The following MEX3A variants were observed in gnomAD, a reference collection of about 807,000 sequenced individuals.
MEX3A encodes mex-3 RNA binding family member A, also known as RNA-binding protein MEX3A.
In MEX3A, 4 loss-of-function variants were observed where a neutral mutation model predicts 30.0. That is an observed-to-expected ratio of 0.13 (90% confidence interval 0.07 to 0.30). The LOEUF (loss-of-function observed/expected upper bound fraction) is 0.30. Ranked by LOEUF, MEX3A falls within the 10% of genes least tolerant of loss-of-function variation. The pLI is 1.00. For synonymous variants in MEX3A, 335 were observed against 327.6 expected (o/e 1.02, Z -0.24); for missense variants, 555 against 736.7 (o/e 0.75, Z 2.86).
Position 156,077,786 on chromosome 1 carries a change from G to C in MEX3A, c.455-104C>G, listed in dbSNP as rs940631237. On this transcript the variant is annotated intron_variant, in intron 1 of 1. Coordinates refer to ENST00000532414, the MANE Select transcript of MEX3A (RefSeq NM_001093725.2). The surrounding 1 kb of genome is among the most constrained non-coding windows in gnomAD (Gnocchi z 8.3). ...CTTACCCAAATACCTAGCCTCCCAG[G>C]AACACTTCAGTCTACCCTTTGAAAT... 2 of 1,434,458 alleles carry C rather than the reference G, an allele frequency of 1.4e-6. No homozygotes were observed. Among genetic ancestry groups the C allele is most frequent in the Middle Eastern group, 3.8e-4 (2 of 5,200 alleles). 88.9% of individuals were successfully genotyped at this position (1,434,458 alleles called of 1,614,324 possible).
rs1179474435 is a variant in MEX3A, at chr1:156,076,725, A to G, written c.1412T>C (p.Val471Ala). 1 of 1,612,866 alleles carries G rather than the reference A, an allele frequency of 6.2e-7. No individual in the cohort carries two copies. Among genetic ancestry groups the G allele is most frequent in the Non-Finnish European group, 8.5e-7 (1 of 1,179,450 alleles). ...RSPGGGRDCM[V>A]CFESEVTAAL... Reference sequence around the variant, plus strand: ...GGCAGTCACTTCGCTCTCAAAGCAGACCATGCAATCCCGCCCGCCGCCGGG... The same window carrying G: ...GGCAGTCACTTCGCTCTCAAAGCAGGCCATGCAATCCCGCCCGCCGCCGGG... Residue 471 changes from valine to alanine, a missense_variant, in exon 2 of 2, where the codon GTC (valine) becomes GCC (alanine). By Grantham distance (64) the Val-to-Ala change is moderately conservative. Coordinates refer to ENST00000532414, the MANE Select transcript of MEX3A (RefSeq NM_001093725.2). The surrounding 1 kb of genome is among the most constrained non-coding windows in gnomAD (Gnocchi z 6.0).
chr1:156,078,925 C>T (rs1648145519), intron 1 of MEX3A, among the ~76,000 whole-genome samples: 1 of 152,186 alleles, frequency 6.6e-6, no homozygotes, highest in Non-Finnish European at 1.5e-5. Context: ...CCCCATCCTC[C>T]CCAGCACACA....
At chr1:156,080,476 T>TTCCCCAC (rs1204602374) in intron 1 of MEX3A, among the ~76,000 whole-genome samples, 1 of 151,926 alleles carries the variant, frequency 6.6e-6, no homozygotes, top group East Asian at 1.9e-4. Flanking sequence ...TCCTCTATTG[T>TTCCCCAC]TCCCCACTGT....
Position 156,075,593 on chromosome 1 carries a change from G to T in MEX3A, c.*981C>A, listed in dbSNP as rs1648033473. The T allele has an allele frequency of 6.5e-6, 1 of 152,744 alleles. No homozygotes were observed. The highest frequency in any genetic ancestry group is 1.5e-5 in the Non-Finnish European group (1 of 68,060). 9.5% of individuals were successfully genotyped at this position (152,744 alleles called of 1,614,324 possible). A position where few individuals can be genotyped will look rare whatever the true frequency, so the allele number is the denominator to read the frequency against. ...TTTGAGATGTTTCTTTGGAGGAGTG[G>T]GGGAGAGGGCCTCCAGATGCCTGAA... is the stretch of plus-strand genomic sequence containing the variant. On this transcript the variant is annotated 3_prime_UTR_variant, in exon 2 of 2. Transcript: ENST00000532414.
chr1:156,081,414 G>A (rs2102779259), intron 1 of MEX3A, 131 bp downstream of exon 1: 1 of 754,276 alleles, frequency 1.3e-6, no homozygotes, highest in East Asian at 3.1e-5. Context: ...ATCAGGGTAG[G>A]GGGCGGGTCC....
intron 1 of MEX3A, among the ~76,000 whole-genome samples, chr1:156,078,412 G>C (rs762830731): frequency 6.6e-6 from 1 of 152,140 alleles, no homozygotes; most frequent in African/African-American, 2.4e-5. Flanking sequence ...TGAGGGAACA[G>C]TGCCCAACCC....
At chr1:156,079,938 C>A (rs974723464) in intron 1 of MEX3A, among the ~76,000 whole-genome samples, 2 of 152,062 alleles carry the variant, frequency 1.3e-5, no homozygotes, top group Non-Finnish European at 2.9e-5. Context: ...ACCCACTGGG[C>A]TTCACCTTCC....
At position 156,081,798 on chromosome 1, in the gene MEX3A, G is replaced by GC. The variant is rs773021630; in HGVS notation, c.200dup (p.Gly68ArgfsTer89). 2.2e-4 allele frequency: 243 copies of GC among 1,093,830 alleles called. No homozygotes were observed. The highest frequency in any genetic ancestry group is 7.3e-4 in the Middle Eastern group (2 of 2,732). 67.8% of individuals were successfully genotyped at this position (1,093,830 alleles called of 1,614,324 possible). A position where few individuals can be genotyped will look rare whatever the true frequency, so the allele number is the denominator to read the frequency against. ...GGGCGGCCGGCTGCGCGGGGGCGCCGCCCCCCCCACCTCCCCCGTCCTCGC... is the reference window on the plus strand; with the variant it reads ...GGGCGGCCGGCTGCGCGGGGGCGCCGCCCCCCCCCACCTCCCCCGTCCTCGC... On this transcript the variant is annotated frameshift_variant, in exon 1 of 2. Coordinates refer to ENST00000532414, the MANE Select transcript of MEX3A (RefSeq NM_001093725.2). LOFTEE classifies it high-confidence loss of function.
At position 156,076,809 on chromosome 1, in the gene MEX3A, C is replaced by T. The variant is rs551644853; in HGVS notation, c.1328G>A (p.Arg443His). 1.5e-5 allele frequency: 23 copies of T among 1,557,090 alleles called. No homozygotes were observed. In the South Asian group the frequency reaches 2.6e-4, roughly 17 times the overall value. ...GCCCTGGAGCGGCTCTCCCGGGGGG[C>T]GCCTCGGGAGTCCGGCCAGCTCGGG... Reference protein sequence around the residue: ...AGPELAGLPRRPPGEPLQGFS... With the variant: ...AGPELAGLPRHPPGEPLQGFS... Residue 443 changes from arginine (R) to histidine (H), a missense_variant, in exon 2 of 2, where the codon CGC becomes CAC. By Grantham distance (29) the Arg-to-His change is conservative. This residue lies in a region of MEX3A where 281 missense variants were observed against 265.1 expected (regional missense o/e 1.06). Coordinates refer to ENST00000532414, the MANE Select transcript of MEX3A (RefSeq NM_001093725.2). This position sits in a 1 kb window ranked among gnomAD's most constrained non-coding sequence, Gnocchi z 6.0.
In MEX3A at chr1:156,076,041, G is replaced by A. The variant is rs1314177283; in HGVS notation, c.*533C>T. 6.5e-6 allele frequency: 1 copy of A among 152,948 alleles called. No individual in the cohort carries two copies. Among genetic ancestry groups the A allele is most frequent in the Non-Finnish European group, 1.5e-5 (1 of 68,568 alleles). The allele number at this position is 152,948 out of a possible 1,614,324, so 9.5% of individuals were successfully genotyped here. On this transcript the variant is annotated 3_prime_UTR_variant, in exon 2 of 2. Transcript: ENST00000532414. This position sits in a 1 kb window ranked among gnomAD's most constrained non-coding sequence, Gnocchi z 6.0. ...AGGACTCCAACTCCCTTACACTGCT[G>A]GAAACTGGTGACAGTTTCCCAAACA...
In MEX3A at chr1:156,076,376, T is replaced by C; in HGVS notation, c.*198A>G. The C allele has an allele frequency of 1.9e-6, 1 of 527,102 alleles. No homozygotes were observed. The allele number at this position is 527,102 out of a possible 1,614,324, so 32.7% of individuals were successfully genotyped here. On this transcript the variant is annotated 3_prime_UTR_variant, in exon 2 of 2. Coordinates refer to ENST00000532414, the MANE Select transcript of MEX3A (RefSeq NM_001093725.2). This position sits in a 1 kb window ranked among gnomAD's most constrained non-coding sequence, Gnocchi z 6.0. ...AATTTTCAGTCTGGCCCCCTCCCAATCTTTCCAGGACAGGGTGACCAGAGG... is the reference window on the plus strand; with the variant it reads ...AATTTTCAGTCTGGCCCCCTCCCAACCTTTCCAGGACAGGGTGACCAGAGG...
intron 1 of MEX3A, among the ~76,000 whole-genome samples, chr1:156,080,472 A>G (rs1648187014): frequency 6.6e-6 from 1 of 151,466 alleles, no homozygotes; most frequent in Non-Finnish European, 1.5e-5. Context: ...CAGCTCCTCT[A>G]TTGTTCCCCA....
rs1424206913 is a variant in MEX3A at position 156,072,598 on chromosome 1, G to A, written c.*3976C>T. The A allele has an allele frequency of 6.5e-6, 1 of 152,746 alleles. No homozygotes were observed. Among genetic ancestry groups the A allele is most frequent in the African/African-American group, 2.4e-5 (1 of 41,442 alleles). 9.5% of individuals were successfully genotyped at this position (152,746 alleles called of 1,614,324 possible). A position where few individuals can be genotyped will look rare whatever the true frequency, so the allele number is the denominator to read the frequency against. On this transcript the variant is annotated 3_prime_UTR_variant, in exon 2 of 2. Coordinates refer to ENST00000532414, the MANE Select transcript of MEX3A (RefSeq NM_001093725.2). ...GATTGCAAGCTGGGGTTGGTAGAAG[G>A]CAAGTGCTTTAAAAATGTTGATTTC...
Position 156,077,195 on chromosome 1 carries a change from A to ATCGATTGCT in MEX3A, c.933_941dup (p.Ile313_Asp314insGluAlaIle). 1 of 1,613,588 alleles carries ATCGATTGCT rather than the reference A, an allele frequency of 6.2e-7. No homozygotes were observed. The highest frequency in any genetic ancestry group is 8.5e-7 in the Non-Finnish European group (1 of 1,179,838). Reference sequence around the variant, plus strand: ...CCCGCCAGGCGTCGGAGTAGCGGCTATCGATTGCTGCGTCGGGGCTCCCCG... The same window carrying ATCGATTGCT: ...CCCGCCAGGCGTCGGAGTAGCGGCTATCGATTGCTTCGATTGCTGCGTCGGGGCTCCCCG... On this transcript the variant is annotated inframe_insertion, in exon 2 of 2. Transcript: ENST00000532414. This position sits in a 1 kb window ranked among gnomAD's most constrained non-coding sequence, Gnocchi z 8.3.
At chr1:156,081,492 G>T in intron 1 of MEX3A, 53 bp downstream of exon 1, 1 of 1,477,072 alleles carries the variant, frequency 6.8e-7, no homozygotes, top group Non-Finnish European at 9.3e-7. Context: ...CCGCGCTAGG[G>T]ACGAGGGTGC....
At chr1:156,080,829 G>T (rs1359597785) in intron 1 of MEX3A, among the ~76,000 whole-genome samples, 1 of 146,506 alleles carries the variant, frequency 6.8e-6, no homozygotes, top group Non-Finnish European at 1.5e-5. Context: ...CCCTCTCTAG[G>T]CCTCTGGCCC....
rs1012748128 is a variant in MEX3A, at chr1:156,073,811, C to T, written c.*2763G>A. On this transcript the variant is annotated 3_prime_UTR_variant, in exon 2 of 2. Coordinates refer to ENST00000532414, the MANE Select transcript of MEX3A (RefSeq NM_001093725.2). ...CCTATAGGCCTGCTAGGCCTTAATT[C>T]TGGATTCCCCCTCCTCACTTGCCCC... 1.3e-5 allele frequency: 2 copies of T among 152,734 alleles called. No individual in the cohort carries two copies. The highest frequency in any genetic ancestry group is 4.8e-5 in the African/African-American group (2 of 41,442). The allele number at this position is 152,734 out of a possible 1,614,324, so 9.5% of individuals were successfully genotyped here.
chr1:156,078,170 T>G (rs1306556707), intron 1 of MEX3A, among the ~76,000 whole-genome samples: 2 of 152,160 alleles, frequency 1.3e-5, no homozygotes, highest in African/African-American at 4.8e-5. Flanking sequence ...AGTAACCTCA[T>G]AATCTACTCA....
Position 156,076,550 on chromosome 1 carries a change from C to T in MEX3A, c.*24G>A, listed in dbSNP as rs61813323. The T allele has an allele frequency of 0.011, 17,935 of 1,592,470 alleles. 151 individuals are homozygous for T. The highest frequency in any genetic ancestry group is 0.014 in the Non-Finnish European group (16,413 of 1,166,624). On this transcript the variant is annotated 3_prime_UTR_variant, in exon 2 of 2. Transcript: ENST00000532414. This position sits in a 1 kb window ranked among gnomAD's most constrained non-coding sequence, Gnocchi z 6.0. ...TCCAGGGTGGGCCCAGTGGAGTGGGCCCCGGAGGCATGGGGCACGGGGCTT... is the reference window on the plus strand; with the variant it reads ...TCCAGGGTGGGCCCAGTGGAGTGGGTCCCGGAGGCATGGGGCACGGGGCTT...
Sources: allele counts gnomAD v4.1 joint callset (sites outside exome capture counted in the v4.1 genomes callset), GRCh38; gene constraint gnomAD v4.1.1; regional missense constraint gnomAD v4.1.1; non-coding constraint Gnocchi (gnomAD v3.1); transcripts MANE v1.5; gene names NCBI Gene and HGNC (gene_info 2026-07-23, HGNC 2026-07-21).